Variants in PCDH15 observed in about 807,000 individuals in gnomAD.
PCDH15 encodes the protein protocadherin related 15.
Under a neutral mutation model 178.5 loss-of-function variants are expected in PCDH15, and 129 were observed. That is an observed-to-expected ratio of 0.72 (90% confidence interval 0.63 to 0.84). The LOEUF is 0.84. PCDH15 is among the 40% of genes least tolerant of loss of function. The pLI, the probability that PCDH15 is intolerant of heterozygous loss-of-function variation, is 0.00. For missense variants in PCDH15, 2,230 were observed against 2,099.9 expected (o/e 1.06, Z -1.21); for synonymous variants, 800 against 732.0 (o/e 1.09, Z -1.50).
At chr10:53,922,931 C>CA (rs2084127281) in intron 25 of PCDH15, among the ~76,000 whole-genome samples, 1 of 151,878 alleles carries the variant, frequency 6.6e-6, no homozygotes, top group African/African-American at 2.4e-5. Flanking sequence ...ACTAAAAATA[C>CA]AAAAAATAAG....
chr10:55,028,113 T>C (rs1284874595), intron 2 of PCDH15, among the ~76,000 whole-genome samples: 1 of 151,856 alleles, frequency 6.6e-6, no homozygotes, highest in Non-Finnish European at 1.5e-5. Context: ...TGCTAAATAT[T>C]TCCATATATT....
intron 2 of PCDH15, among the ~76,000 whole-genome samples, chr10:55,131,674 G>A (rs185922785): frequency 6.6e-6 from 1 of 151,806 alleles, no homozygotes; most frequent in East Asian, 2.0e-4. Context: ...TTGTGCTGGT[G>A]TCTATGCAGC....
Position 54,398,356 on chromosome 10 carries a change from C to G in PCDH15, c.158-19414G>C, listed in dbSNP as rs1043410772. ...AATTTGTGAAAAAAATAGGTTCACA[C>G]TTCTGAATCTCAAATAAACTTTATA... On this transcript the variant is annotated intron_variant, in intron 3 of 37. Transcript: ENST00000644397. 7.9e-5 allele frequency among the ~76,000 whole-genome samples: 12 copies of G among 151,980 alleles called. 1 individual carries two copies. In the South Asian group the frequency reaches 1.7e-3, roughly 21 times the overall value.
At chr10:55,263,574 G>A (rs554639572) in intron 1 of PCDH15, among the ~76,000 whole-genome samples, 7 of 152,116 alleles carry the variant, frequency 4.6e-5, no homozygotes, top group Admixed American at 6.5e-5. Context: ...ACCCCAAAGG[G>A]CCAATAGACG....
chr10:54,440,367 C>T (rs953603476), intron 3 of PCDH15, among the ~76,000 whole-genome samples: 8 of 151,870 alleles, frequency 5.3e-5, no homozygotes, highest in African/African-American at 1.7e-4. Context: ...TAGAGGAAAA[C>T]CTCCTAAAAT....
intron 1 of PCDH15, among the ~76,000 whole-genome samples, chr10:54,693,408 A>C (rs542417281): frequency 1.4e-3 from 213 of 152,328 alleles, no homozygotes; most frequent in African/African-American, 5.0e-3. Flanking sequence ...TATCATGTTC[A>C]TATATTAGAT....
intron 15 of PCDH15, among the ~76,000 whole-genome samples, chr10:54,119,490 G>C (rs1365226811): frequency 6.6e-6 from 1 of 151,896 alleles, no homozygotes. Flanking sequence ...AAGAAATAAA[G>C]GATTATGTAA....
chr10:55,130,987 C>G (rs1838026987), intron 2 of PCDH15, among the ~76,000 whole-genome samples: 1 of 151,808 alleles, frequency 6.6e-6, no homozygotes, highest in Admixed American at 6.6e-5. Context: ...ATTTCAAGTA[C>G]AGTTGTGAGA....
intron 2 of PCDH15, among the ~76,000 whole-genome samples, chr10:55,566,001 C>G (rs192163471): frequency 1.4e-4 from 21 of 151,632 alleles, no homozygotes; most frequent in Non-Finnish European, 5.9e-5. Flanking sequence ...CATCATTACC[C>G]TAATACCATA....
chr10:54,776,232 A>T (rs1036456909), intron 1 of PCDH15, among the ~76,000 whole-genome samples: 15 of 152,164 alleles, frequency 9.9e-5, no homozygotes, highest in African/African-American at 3.6e-4. Flanking sequence ...TGCAATAAAC[A>T]TTGGGGTACA....
chr10:54,025,170 A>G (rs1345467792), intron 18 of PCDH15, among the ~76,000 whole-genome samples: 1 of 152,104 alleles, frequency 6.6e-6, no homozygotes. Context: ...GCTTAACTAT[A>G]CATCCACTAG....
intron 2 of PCDH15, chr10:54,619,405 C>T (rs2093285403): frequency 6.6e-6 from 1 of 152,016 alleles, no homozygotes; most frequent in Non-Finnish European, 1.5e-5. Flanking sequence ...GGTATGGTTT[C>T]ATAATGACAT....
chr10:55,472,142 T>C (rs1839968846), intron 2 of PCDH15, among the ~76,000 whole-genome samples: 1 of 152,198 alleles, frequency 6.6e-6, no homozygotes, highest in African/African-American at 2.4e-5. Flanking sequence ...TCCCTCTCTC[T>C]TTGTGCTTTC....
intron 3 of PCDH15, among the ~76,000 whole-genome samples, chr10:54,484,187 G>T (rs1433691415): frequency 6.6e-6 from 1 of 151,842 alleles, no homozygotes. Flanking sequence ...TTTGTGAAGA[G>T]AAAAAATATA....
At chr10:54,739,156 T>C (rs553482607) in intron 1 of PCDH15, among the ~76,000 whole-genome samples, 4 of 151,928 alleles carry the variant, frequency 2.6e-5, no homozygotes, top group Non-Finnish European at 5.9e-5. Flanking sequence ...ATTTAGAACA[T>C]AAATATTGAA....
intron 2 of PCDH15, among the ~76,000 whole-genome samples, chr10:55,536,503 A>C (rs2132069508): frequency 6.6e-6 from 1 of 152,296 alleles, no homozygotes; most frequent in Non-Finnish European, 1.5e-5. Flanking sequence ...AAATATCAGT[A>C]GCATTTGTAT....
chr10:55,483,712 A>G (rs1427438930), intron 2 of PCDH15, among the ~76,000 whole-genome samples: 1 of 151,102 alleles, frequency 6.6e-6, no homozygotes, highest in Non-Finnish European at 1.5e-5. Flanking sequence ...GCTACTTTGG[A>G]GGCTAAGGCA....
intron 2 of PCDH15, among the ~76,000 whole-genome samples, chr10:55,083,900 A>G (rs1842102005): frequency 6.6e-6 from 1 of 151,848 alleles, no homozygotes; most frequent in African/African-American, 2.4e-5. Flanking sequence ...AAAACTATAA[A>G]ACATTGACAC....
Position 55,118,939 on chromosome 10 carries a change from T to C in PCDH15, c.-80+47637A>G, listed in dbSNP as rs1486471158. ...CAACCTACTGTGGTATAGTAAGTTT[T>C]CGTTTGCCACCACATAGTGAATCCC... On this transcript the variant is annotated intron_variant, in intron 2 of 5. Transcript: ENST00000458638. 4.6e-5 allele frequency among the ~76,000 whole-genome samples: 7 copies of C among 152,286 alleles called. No individual in the cohort carries two copies. The East Asian group carries it at 1.4e-3, about 30-fold the overall frequency.
Sources: allele counts gnomAD v4.1 joint callset (sites outside exome capture counted in the v4.1 genomes callset), GRCh38; gene constraint gnomAD v4.1.1; transcripts MANE v1.5; gene names NCBI Gene and HGNC (gene_info 2026-07-23, HGNC 2026-07-21).